The following GOLPH3 variants were observed in gnomAD, a reference collection of about 807,000 sequenced individuals.
The protein encoded by GOLPH3 is golgi phosphoprotein 3.
Under a neutral mutation model 28.5 loss-of-function variants are expected in GOLPH3, and 14 were observed. That is an observed-to-expected ratio of 0.49 (90% CI 0.32 to 0.77). The LOEUF (loss-of-function observed/expected upper bound fraction) is 0.77, where lower values mean the gene tolerates loss of function less well. Among genes scored for constraint, GOLPH3 ranks in the 30% least tolerant of loss-of-function variants. The probability of loss-of-function intolerance (pLI) is 0.03; values close to 1 mark genes in which losing one functional copy is unlikely to be tolerated. For missense variants in GOLPH3, 350 were observed against 393.7 expected, an observed-to-expected ratio of 0.89 and a Z score of 0.94; for synonymous variants, 158 against 159.2, an observed-to-expected ratio of 0.99 and a Z score of 0.06.
intron 1 of GOLPH3, among the ~76,000 whole-genome samples, chr5:32,166,819 A>T (rs1456948301): frequency 6.6e-6 from 1 of 152,012 alleles, no homozygotes; most frequent in African/African-American, 2.4e-5. Context: ...AAAAAAAAAA[A>T]AAAGCAGGAG....
intron 3 of GOLPH3, 148 bp downstream of exon 3, chr5:32,135,424 C>A: frequency 1.7e-6 from 1 of 598,924 alleles, no homozygotes; most frequent in East Asian, 2.8e-5. Context: ...AAAACCATTA[C>A]TTCCCCACTC....
chr5:32,139,455 C>A lies in GOLPH3; in HGVS notation c.358-3769G>T, dbSNP rs905252853. Among the ~76,000 whole-genome samples, 3 of 152,360 alleles carry A rather than the reference C, an allele frequency of 2.0e-5. No homozygotes were observed. In the East Asian group the frequency reaches 5.8e-4, roughly 29 times the overall value. ...GTCTGCCTAATCTGGCTGTTTTTCA[C>A]TTGGATTAATTTAAGCCTCTTAACT... On this transcript the variant is annotated intron_variant, in intron 2 of 3. Transcript: ENST00000265070.
At chr5:32,152,863 C>T (rs1457176353) in intron 1 of GOLPH3, among the ~76,000 whole-genome samples, 1 of 151,672 alleles carries the variant, frequency 6.6e-6, no homozygotes, top group African/African-American at 2.4e-5. Context: ...AACAGGCATT[C>T]TCATAACTAT....
intron 1 of GOLPH3, among the ~76,000 whole-genome samples, chr5:32,164,344 A>G (rs1012083521): frequency 2.6e-5 from 4 of 151,880 alleles, no homozygotes; most frequent in Admixed American, 6.6e-5. Flanking sequence ...TGGAATATAC[A>G]TATTTGTTTG....
intron 1 of GOLPH3, among the ~76,000 whole-genome samples, chr5:32,156,604 ACGGACTGGAG>A (rs1471629253): frequency 6.6e-6 from 1 of 152,038 alleles, no homozygotes; most frequent in African/African-American, 2.4e-5. Flanking sequence ...AATTTTTTCC[ACGGACTGGAG>A]CGGCGGGGGG....
At chr5:32,165,790 TG>T (rs1746697740) in intron 1 of GOLPH3, among the ~76,000 whole-genome samples, 1 of 152,156 alleles carries the variant, frequency 6.6e-6, no homozygotes, top group African/African-American at 2.4e-5. Context: ...CCTAGATGTG[TG>T]GTAATCCTAG....
intron 1 of GOLPH3, among the ~76,000 whole-genome samples, chr5:32,166,681 G>A (rs924964661): frequency 2.6e-5 from 4 of 152,016 alleles, no homozygotes; most frequent in African/African-American, 7.2e-5. Flanking sequence ...GGTGGCAGGC[G>A]CCTGTAATCC....
chr5:32,164,215 A>G (rs1376494304), intron 1 of GOLPH3, among the ~76,000 whole-genome samples: 2 of 152,224 alleles, frequency 1.3e-5, no homozygotes, highest in East Asian at 1.9e-4. Context: ...GCACAAGCTT[A>G]TAATTTTCCA....
intron 1 of GOLPH3, among the ~76,000 whole-genome samples, chr5:32,151,880 A>G (rs1244041672): frequency 6.6e-6 from 1 of 152,120 alleles, no homozygotes; most frequent in Non-Finnish European, 1.5e-5. Context: ...AAGACAAAAT[A>G]CTCTATGGTT....
intron 2 of GOLPH3, 77 bp downstream of exon 2, chr5:32,143,672 T>G: frequency 7.9e-7 from 1 of 1,260,926 alleles, no homozygotes; most frequent in Non-Finnish European, 1.1e-6. Flanking sequence ...CTTTAATTTT[T>G]GAAGGCTACT....
chr5:32,133,340 T>C (rs1164609467), intron 3 of GOLPH3, among the ~76,000 whole-genome samples: 1 of 152,214 alleles, frequency 6.6e-6, no homozygotes, highest in Non-Finnish European at 1.5e-5. Flanking sequence ...CAAAGCCCAC[T>C]CTACATTCCA....
chr5:32,126,314 G>A lies in GOLPH3; in HGVS notation c.795C>T (p.Thr265=). 6.2e-7 allele frequency: 1 copy of A among 1,614,142 alleles called. No individual in the cohort carries two copies. The highest frequency in any genetic ancestry group is 8.5e-7 in the Non-Finnish European group (1 of 1,180,018). ...AGTCGAGAAGCTGCCGCACTCTCTT[G>A]GTAGCCAAATCATACTGCTCGTCCA... The part of the protein sequence containing the change: ...PLLDEQYDLA[T]KRVRQLLDLD... Residue 265 remains threonine, a synonymous_variant, in exon 4 of 4, where the codon ACC becomes ACT. Coordinates refer to ENST00000265070, the MANE Select transcript of GOLPH3 (RefSeq NM_022130.4).
intron 1 of GOLPH3, among the ~76,000 whole-genome samples, chr5:32,167,090 A>G (rs1336378911): frequency 6.6e-6 from 1 of 152,224 alleles, no homozygotes; most frequent in African/African-American, 2.4e-5. Flanking sequence ...ATGATATTAT[A>G]AAAGTGTATT....
intron 1 of GOLPH3, among the ~76,000 whole-genome samples, chr5:32,156,877 G>A (rs1282736496): frequency 6.6e-6 from 1 of 152,148 alleles, no homozygotes; most frequent in Non-Finnish European, 1.5e-5. Flanking sequence ...CCGGTCCATA[G>A]CCCGGAGATT....
intron 3 of GOLPH3, among the ~76,000 whole-genome samples, chr5:32,127,450 G>A (rs770855521): frequency 5.3e-5 from 8 of 152,080 alleles, no homozygotes; most frequent in African/African-American, 1.2e-4. Flanking sequence ...AAATGCAAAC[G>A]TTGTAAGGTC....
intron 1 of GOLPH3, among the ~76,000 whole-genome samples, chr5:32,154,266 G>T (rs1331789275): frequency 6.6e-6 from 1 of 152,150 alleles, no homozygotes; most frequent in Non-Finnish European, 1.5e-5. Context: ...TGTTTATCCT[G>T]CCTTTTAAGT....
At chr5:32,146,060 G>A (rs1746174362) in intron 1 of GOLPH3, among the ~76,000 whole-genome samples, 1 of 152,078 alleles carries the variant, frequency 6.6e-6, no homozygotes, top group East Asian at 1.9e-4. Context: ...GGGAGGCAGA[G>A]GCAAGCAGAT....
At chr5:32,152,401 AG>A (rs1746326929) in intron 1 of GOLPH3, among the ~76,000 whole-genome samples, 1 of 146,384 alleles carries the variant, frequency 6.8e-6, no homozygotes, top group Non-Finnish European at 1.5e-5. Context: ...CTGGGATTAC[AG>A]GTATGAGCCA....
chr5:32,130,998 C>G (rs1379913547), intron 3 of GOLPH3, among the ~76,000 whole-genome samples: 2 of 152,194 alleles, frequency 1.3e-5, no homozygotes, highest in Non-Finnish European at 2.9e-5. Context: ...AGACCACCTT[C>G]AAATAAAGTA....
Sources: allele counts gnomAD v4.1 joint callset (sites outside exome capture counted in the v4.1 genomes callset), GRCh38; gene constraint gnomAD v4.1.1; transcripts MANE v1.5; gene names NCBI Gene and HGNC (gene_info 2026-07-23, HGNC 2026-07-21).